The following FBLN7 variants were observed in gnomAD, a reference collection of about 807,000 sequenced individuals.
FBLN7 encodes the protein fibulin-7.
Under a neutral mutation model 44.0 loss-of-function variants are expected in FBLN7, and 31 were observed. That is an observed-to-expected ratio of 0.70 (90% CI 0.53 to 0.95). The LOEUF (loss-of-function observed/expected upper bound fraction) is 0.95, where lower values mean the gene tolerates loss of function less well. Among genes scored for constraint, FBLN7 ranks in the 40% least tolerant of loss-of-function variants. The pLI, the probability that FBLN7 is intolerant of heterozygous loss-of-function variation, is 0.00. For missense variants in FBLN7, 573 were observed against 618.5 expected, an observed-to-expected ratio of 0.93 and a Z score of 0.78; for synonymous variants, 262 against 253.4, an observed-to-expected ratio of 1.03 and a Z score of -0.32.
At chr2:112,159,928 C>T (rs1211473234) in intron 2 of FBLN7, 93 bp downstream of exon 2, 1 of 1,097,340 alleles carries the variant, frequency 9.1e-7, no homozygotes, top group Non-Finnish European at 1.2e-6. Context: ...CGTCACCCCT[C>T]ACCCTTCCCC....
chr2:112,178,904 G>GACAAAAGCTGAAA (rs1553478120), intron 4 of FBLN7, among the ~76,000 whole-genome samples: 1 of 151,782 alleles, frequency 6.6e-6, no homozygotes, highest in Non-Finnish European at 1.5e-5. Flanking sequence ...GTACGGAATG[G>GACAAAAGCTGAAA]GCATTCTCCT....
At chr2:112,222,645 G>C in the FBLN7 span, among the ~76,000 whole-genome samples, 1 of 152,090 alleles carries the variant, frequency 6.6e-6, no homozygotes, top group East Asian at 1.9e-4. Context: ...AGGACAAACT[G>C]TATGATTTCA....
the FBLN7 span, among the ~76,000 whole-genome samples, chr2:112,206,733 G>GTTTTTTTTTTTTTTTTTTTTTT: frequency 3.3e-5 from 4 of 123,036 alleles, no homozygotes; most frequent in African/African-American, 1.2e-4. Flanking sequence ...CTTATTGACT[G>GTTTTTTTTTTTTTTTTTTTTTT]TTTTTTTTTT....
At chr2:112,157,475 T>C (rs1438023850) in intron 1 of FBLN7, among the ~76,000 whole-genome samples, 1 of 152,068 alleles carries the variant, frequency 6.6e-6, no homozygotes, top group Non-Finnish European at 1.5e-5. Flanking sequence ...GGCAGCAGAG[T>C]CCAGGCTGTG....
chr2:112,187,004 G>C lies in FBLN7; in HGVS notation c.948-130G>C. ...TCGTCCACAGCTCCATAGCTCCTGG[G>C]TGAAGGACCCGTGGCTGGGAAAGGT... On this transcript the variant is annotated intron_variant, in intron 7 of 7. Transcript: ENST00000331203. This position sits in a 1 kb window ranked among gnomAD's most constrained non-coding sequence, Gnocchi z 5.1. 2.7e-6 allele frequency: 3 copies of C among 1,122,892 alleles called. No individual in the cohort carries two copies. In the Admixed American group the frequency reaches 7.7e-5, roughly 29 times the overall value. The allele number at this position is 1,122,892 out of a possible 1,614,324, so 69.6% of individuals were successfully genotyped here.
chr2:112,219,541 C>A, the FBLN7 span, among the ~76,000 whole-genome samples: 3 of 152,198 alleles, frequency 2.0e-5, no homozygotes, highest in Admixed American at 2.0e-4. Flanking sequence ...ACCCAGAAGT[C>A]ATTCAGGACC....
intron 3 of FBLN7, among the ~76,000 whole-genome samples, chr2:112,173,652 G>A (rs977518966): frequency 5.3e-5 from 8 of 152,248 alleles, no homozygotes; most frequent in African/African-American, 1.2e-4. Flanking sequence ...ACTTACTTAC[G>A]TGAAGTTTCA....
At chr2:112,150,255 T>G (rs770867811) in intron 1 of FBLN7, among the ~76,000 whole-genome samples, 2 of 152,240 alleles carry the variant, frequency 1.3e-5, no homozygotes, top group South Asian at 4.2e-4. Flanking sequence ...GACCAGCAAC[T>G]GGTTGCATTG....
rs760028458 is a variant in FBLN7, at chr2:112,182,881, C to A, written c.761C>A (p.Thr254Asn). ...AACACCCCGGGCTCTTACCGTTGCA[C>A]CTGCCCCGGTGGATACCGAACTCTG... ...CVNTPGSYRC[T>N]CPGGYRTLAD... is the part of the protein sequence containing the mutation. The change falls in exon 6 of 8, where the codon ACC becomes AAC. Residue 254 changes from threonine to asparagine, a missense_variant. Thr to Asn is a moderately conservative substitution (Grantham distance 65). Transcript: ENST00000331203. The A allele has an allele frequency of 3.1e-6, 5 of 1,612,962 alleles. No individual in the cohort carries two copies. The highest frequency in any genetic ancestry group is 1.6e-4 in the Middle Eastern group (1 of 6,082).
the FBLN7 span, chr2:112,236,599 G>C: frequency 1.2e-6 from 2 of 1,613,928 alleles, no homozygotes; most frequent in East Asian, 2.2e-5. Context: ...CAAAGCATTT[G>C]ATCCTTTGTT....
At chr2:112,193,484 C>T in the FBLN7 span, among the ~76,000 whole-genome samples, 27 of 152,286 alleles carry the variant, frequency 1.8e-4, no homozygotes, top group African/African-American at 6.5e-4. Flanking sequence ...AGCCTATGCA[C>T]ATTCTCTTGC....
the FBLN7 span, among the ~76,000 whole-genome samples, chr2:112,201,278 G>A: frequency 6.6e-6 from 1 of 152,330 alleles, no homozygotes; most frequent in Admixed American, 6.5e-5. Flanking sequence ...GCTCATTCAT[G>A]GGTGGGCCCG....
chr2:112,236,137 G>A, the FBLN7 span, among the ~76,000 whole-genome samples: 5 of 151,916 alleles, frequency 3.3e-5, no homozygotes, highest in South Asian at 2.1e-4. Context: ...GGTGGCGGGC[G>A]CCTGTAGTCC....
the FBLN7 span, among the ~76,000 whole-genome samples, chr2:112,195,823 G>C: frequency 6.6e-6 from 1 of 152,240 alleles, no homozygotes; most frequent in Non-Finnish European, 1.5e-5. Context: ...AGCCTGTCCT[G>C]TGGGCAAGGT....
At chr2:112,204,980 A>G in the FBLN7 span, among the ~76,000 whole-genome samples, 1 of 152,166 alleles carries the variant, frequency 6.6e-6, no homozygotes, top group East Asian at 1.9e-4. Context: ...AGCAACAATT[A>G]TACAACTGTG....
chr2:112,168,795 G>C lies in FBLN7; in HGVS notation c.406+3624G>C, dbSNP rs143962921. On this transcript the variant is annotated intron_variant, in intron 3 of 7. Transcript: ENST00000331203. ...TGTGTTATGACCACAGAGTGGGGGT[G>C]GGGCATAATCTTCTTAATTACAGAG... 8.7e-4 allele frequency among the ~76,000 whole-genome samples: 132 copies of C among 152,268 alleles called. 2 individuals carry two copies. The East Asian group carries it at 0.011, about 13-fold the overall frequency.
the FBLN7 span, among the ~76,000 whole-genome samples, chr2:112,199,478 G>A: frequency 6.6e-6 from 1 of 152,102 alleles, no homozygotes; most frequent in South Asian, 2.1e-4. Context: ...AATCATCTAA[G>A]CATAAACTCT....
chr2:112,236,146 C>A, the FBLN7 span, among the ~76,000 whole-genome samples: 1 of 152,048 alleles, frequency 6.6e-6, no homozygotes, highest in Non-Finnish European at 1.5e-5. Flanking sequence ...CGCCTGTAGT[C>A]CCAGCTACTC....
At chr2:112,182,370 C>T (rs1683045065) in intron 5 of FBLN7, among the ~76,000 whole-genome samples, 1 of 152,206 alleles carries the variant, frequency 6.6e-6, no homozygotes, top group Non-Finnish European at 1.5e-5. Flanking sequence ...GAGATCTGGT[C>T]AGTTGGTGCT....
Sources: gnomAD v4.1 joint callset for allele counts (sites outside exome capture counted in the v4.1 genomes callset) on GRCh38, gnomAD v4.1.1 for gene constraint, Gnocchi (gnomAD v3.1) non-coding constraint, MANE v1.5 for transcripts, NCBI Gene and HGNC (gene_info 2026-07-23, HGNC 2026-07-21) for gene names.